UNC5D: variants seen among roughly 807,000 people sequenced by gnomAD.
UNC5D encodes unc-5 netrin receptor D.
Under a neutral mutation model 105.4 loss-of-function variants are expected in UNC5D, and 39 were observed. The ratio of observed to expected loss-of-function variants is 0.37; its 90% CI spans 0.29 to 0.48. UNC5D has a LOEUF of 0.48. Among genes scored for constraint, UNC5D ranks in the 20% least tolerant of loss-of-function variants. UNC5D has a pLI of 0.98. For synonymous variants in UNC5D, 452 were observed against 450.4 expected, an observed-to-expected ratio of 1.00 and a Z score of -0.04; for missense variants, 991 against 1,202.4, an observed-to-expected ratio of 0.82 and a Z score of 2.60.
At chr8:35,276,962 G>A (rs1268384207) in intron 1 of UNC5D, among the ~76,000 whole-genome samples, 2 of 152,130 alleles carry the variant, frequency 1.3e-5, no homozygotes, top group African/African-American at 4.8e-5. Flanking sequence ...AACTTACTGA[G>A]GCTCCAGAAG....
intron 4 of UNC5D, among the ~76,000 whole-genome samples, chr8:35,633,559 G>A (rs760355592): frequency 6.6e-6 from 1 of 151,752 alleles, no homozygotes; most frequent in Non-Finnish European, 1.5e-5. Flanking sequence ...ACCAACCTGG[G>A]CAACATAGTG....
chr8:35,494,702 C>T (rs1014780660), intron 1 of UNC5D, among the ~76,000 whole-genome samples: 1 of 152,196 alleles, frequency 6.6e-6, no homozygotes, highest in African/African-American at 2.4e-5. Context: ...AATATTTATT[C>T]AGACACAATT....
At chr8:35,556,241 T>A (rs1816544757) in intron 2 of UNC5D, among the ~76,000 whole-genome samples, 1 of 152,230 alleles carries the variant, frequency 6.6e-6, no homozygotes, top group Non-Finnish European at 1.5e-5. Flanking sequence ...GTATGGTGAA[T>A]ATGATTCAAA....
At chr8:35,342,255 G>T (rs887959164) in intron 1 of UNC5D, among the ~76,000 whole-genome samples, 2 of 151,988 alleles carry the variant, frequency 1.3e-5, no homozygotes, top group Non-Finnish European at 2.9e-5. Context: ...TTGTCTTGGG[G>T]ACAGACCAAA....
At chr8:35,563,496 G>T (rs1056362527) in intron 2 of UNC5D, among the ~76,000 whole-genome samples, 2 of 151,572 alleles carry the variant, frequency 1.3e-5, no homozygotes, top group Non-Finnish European at 2.9e-5. Flanking sequence ...ATAGAATTTG[G>T]TTGTCAGTTC....
At chr8:35,726,002 C>T (rs1828843239) in intron 9 of UNC5D, 150 bp from the exon 10 acceptor site, 2 of 1,044,872 alleles carry the variant, frequency 1.9e-6, no homozygotes, top group Non-Finnish European at 2.7e-6. Context: ...GTCACTAGCA[C>T]CCAACCTGGC....
At chr8:35,509,446 T>C (rs1812543603) in intron 1 of UNC5D, among the ~76,000 whole-genome samples, 1 of 139,656 alleles carries the variant, frequency 7.2e-6, no homozygotes, top group African/African-American at 2.7e-5. Context: ...GGGTCAAATA[T>C]AGATCCCTGT....
At chr8:35,248,268 A>G (rs62651825) in intron 1 of UNC5D, among the ~76,000 whole-genome samples, 6,361 of 46,606 alleles carry the variant, frequency 0.14, 2,597 homozygotes, top group Middle Eastern at 0.31. Flanking sequence ...TGTTATATAA[A>G]ATATATAATA....
At chr8:35,603,163 G>C (rs1429425159) in intron 4 of UNC5D, among the ~76,000 whole-genome samples, 2 of 151,776 alleles carry the variant, frequency 1.3e-5, no homozygotes, top group Non-Finnish European at 2.9e-5. Context: ...GATCTTTCCT[G>C]CTTTCTCTTG....
At chr8:35,331,831 A>G (rs548869010) in intron 1 of UNC5D, among the ~76,000 whole-genome samples, 75 of 152,264 alleles carry the variant, frequency 4.9e-4, no homozygotes, top group Non-Finnish European at 9.0e-4. Flanking sequence ...GCTTCTCTCT[A>G]TGCTGCATCT....
chr8:35,594,525 T>G (rs965051856), intron 3 of UNC5D, among the ~76,000 whole-genome samples: 1 of 152,154 alleles, frequency 6.6e-6, no homozygotes, highest in African/African-American at 2.4e-5. Flanking sequence ...ATCTTTTACA[T>G]TGAGGAAGAC....
At chr8:35,271,157 G>T (rs1805255893) in intron 1 of UNC5D, among the ~76,000 whole-genome samples, 1 of 149,558 alleles carries the variant, frequency 6.7e-6, no homozygotes, top group South Asian at 2.1e-4. Context: ...GGAGATTTTT[G>T]TCATTCAACA....
intron 1 of UNC5D, among the ~76,000 whole-genome samples, chr8:35,493,608 A>T (rs1001745377): frequency 6.6e-6 from 1 of 151,740 alleles, no homozygotes; most frequent in African/African-American, 2.4e-5. Context: ...CAAGCAAAAA[A>T]ATCCATGCTC....
chr8:35,271,743 T>TATACCTG (rs1563268511), intron 1 of UNC5D, among the ~76,000 whole-genome samples: 1 of 130,644 alleles, frequency 7.7e-6, no homozygotes, highest in African/African-American at 2.9e-5. Flanking sequence ...ACATATATAT[T>TATACCTG]TATACATGTA....
At chr8:35,690,464 A>T (rs1444693875) in intron 7 of UNC5D, among the ~76,000 whole-genome samples, 1 of 152,144 alleles carries the variant, frequency 6.6e-6, no homozygotes. Flanking sequence ...CCCTGTCTCT[A>T]CAAAAAATAA....
In UNC5D at chr8:35,790,673, A is replaced by C. The variant is rs2131817649; in HGVS notation, c.*110A>C. ...CGTTGGGGGAATTCAGCCTTCATTT[A>C]TAATCAGTGAGATTCCCCTGTTGAA... On this transcript the variant is annotated 3_prime_UTR_variant, in exon 17 of 17. Transcript: ENST00000404895. The C allele has an allele frequency of 8.2e-7, 1 of 1,216,470 alleles. No homozygotes were observed. The highest frequency in any genetic ancestry group is 1.3e-5 in the South Asian group (1 of 74,946). The allele number at this position is 1,216,470 out of a possible 1,614,324, so 75.4% of individuals were successfully genotyped here. A position where few individuals can be genotyped will look rare whatever the true frequency, so the allele number is the denominator to read the frequency against.
chr8:35,306,577 CTT>C (rs1365363494), intron 1 of UNC5D, among the ~76,000 whole-genome samples: 2 of 152,072 alleles, frequency 1.3e-5, no homozygotes, highest in Admixed American at 1.3e-4. Flanking sequence ...GTCTCGAAAT[CTT>C]TAGTGAAATA....
At chr8:35,571,762 CTA>C (rs1191919704) in intron 3 of UNC5D, among the ~76,000 whole-genome samples, 1 of 152,164 alleles carries the variant, frequency 6.6e-6, no homozygotes, top group Non-Finnish European at 1.5e-5. Flanking sequence ...ATATAATTCA[CTA>C]TGTTTCTTCT....
chr8:35,276,779 T>C (rs766973325), intron 1 of UNC5D, among the ~76,000 whole-genome samples: 3 of 152,198 alleles, frequency 2.0e-5, no homozygotes, highest in Non-Finnish European at 2.9e-5. Flanking sequence ...AGTGCTCTTA[T>C]ACAGAGGCTG....
Sources: allele counts gnomAD v4.1 joint callset (sites outside exome capture counted in the v4.1 genomes callset), GRCh38; gene constraint gnomAD v4.1.1; transcripts MANE v1.5; gene names NCBI Gene and HGNC (gene_info 2026-07-23, HGNC 2026-07-21).